Variants in PTBP3 observed in about 807,000 individuals in gnomAD.
The protein encoded by PTBP3 is polypyrimidine tract-binding protein 3.
PTBP3 carries 20 observed loss-of-function variants against 58.7 expected under a neutral mutation model. The ratio of observed to expected loss-of-function variants is 0.34; its 90% CI spans 0.24 to 0.50. PTBP3 has a LOEUF of 0.50. Among genes scored for constraint, PTBP3 ranks in the 20% least tolerant of loss-of-function variants. The probability of loss-of-function intolerance (pLI) is 0.98; values close to 1 mark genes in which losing one functional copy is unlikely to be tolerated. For missense variants in PTBP3, 509 were observed against 637.2 expected (o/e 0.80, Z 2.17); for synonymous variants, 185 against 219.8 (o/e 0.84, Z 1.40).
the PTBP3 span, among the ~76,000 whole-genome samples, chr9:112,347,811 G>A: frequency 6.6e-6 from 1 of 152,190 alleles, no homozygotes; most frequent in South Asian, 2.1e-4. Context: ...GGAGGAGGCA[G>A]GGAGATGGAA....
chr9:112,298,015 G>T, intron 1 of PTBP3, 99 bp from the exon 2 acceptor site: 1 of 962,254 alleles, frequency 1.0e-6, no homozygotes, highest in Non-Finnish European at 1.6e-6. Context: ...CTTCATCTTT[G>T]TATGAAGACA....
At chr9:112,251,534 C>G (rs774322554) in intron 6 of PTBP3, among the ~76,000 whole-genome samples, 6 of 152,012 alleles carry the variant, frequency 3.9e-5, no homozygotes, top group African/African-American at 7.2e-5. Flanking sequence ...TAGGATGAAA[C>G]AAAGCTTTTG....
At chr9:112,239,568 TA>T (rs1835562049) in intron 7 of PTBP3, among the ~76,000 whole-genome samples, 1 of 151,618 alleles carries the variant, frequency 6.6e-6, no homozygotes, top group Non-Finnish European at 1.5e-5. Context: ...CGCCTCTCTA[TA>T]AAAACTTTGA....
At chr9:112,338,880 T>C in the PTBP3 span, among the ~76,000 whole-genome samples, 1 of 152,322 alleles carries the variant, frequency 6.6e-6, no homozygotes, top group East Asian at 1.9e-4. Flanking sequence ...AGAGGACTCA[T>C]GTCTATGCTG....
In PTBP3 at chr9:112,224,199, G is replaced by GT. The variant is rs1460517229; in HGVS notation, c.1375dup (p.Thr459AsnfsTer4). The GT allele has an allele frequency of 6.5e-7, 1 of 1,546,124 alleles. No homozygotes were observed. The highest frequency in any genetic ancestry group is 8.7e-7 in the Non-Finnish European group (1 of 1,154,018). ...GAAAAGGTTCTTCAGATCATCCACT[G>GT]TAACAGAAGGGCTGTGAAAACATCA... On this transcript the variant is annotated frameshift_variant, in exon 13 of 14. Coordinates refer to ENST00000374257, the MANE Select transcript of PTBP3 (RefSeq NM_001163788.4). LOFTEE classifies it high-confidence loss of function.
At chr9:112,237,744 A>T (rs1431056908) in intron 7 of PTBP3, among the ~76,000 whole-genome samples, 2 of 152,164 alleles carry the variant, frequency 1.3e-5, no homozygotes, top group African/African-American at 4.8e-5. Context: ...AGTCAACAGG[A>T]TACTCTCACT....
At chr9:112,275,514 C>T (rs958163840) in intron 3 of PTBP3, among the ~76,000 whole-genome samples, 1 of 152,044 alleles carries the variant, frequency 6.6e-6, no homozygotes, top group Non-Finnish European at 1.5e-5. Flanking sequence ...AATTTATATC[C>T]TATCAGTGTT....
chr9:112,322,132 C>CT (rs1829976780), intron 1 of PTBP3, among the ~76,000 whole-genome samples: 1 of 35,024 alleles, frequency 2.9e-5, no homozygotes, highest in Admixed American at 4.7e-4. Flanking sequence ...GAGACTCCAT[C>CT]TCAAAAAAAA....
chr9:112,347,864 G>C, the PTBP3 span, among the ~76,000 whole-genome samples: 2 of 152,104 alleles, frequency 1.3e-5, no homozygotes, highest in South Asian at 2.1e-4. Flanking sequence ...TCCTTTAGCT[G>C]GTTGTTGGTT....
intron 5 of PTBP3, among the ~76,000 whole-genome samples, chr9:112,257,817 G>A (rs941053622): frequency 9.9e-5 from 15 of 152,024 alleles, no homozygotes; most frequent in African/African-American, 3.4e-4. Context: ...GTGGGCGCCT[G>A]TAATCCCAGC....
chr9:112,275,406 A>T (rs937920960), intron 3 of PTBP3, among the ~76,000 whole-genome samples: 1 of 152,162 alleles, frequency 6.6e-6, no homozygotes, highest in African/African-American at 2.4e-5. Context: ...AAGTGCTGGG[A>T]TTACAGGCGT....
intron 2 of PTBP3, among the ~76,000 whole-genome samples, chr9:112,280,767 ATGTGTGTG>A (rs3032061): frequency 1.3e-5 from 2 of 150,776 alleles, no homozygotes; most frequent in African/African-American, 4.9e-5. Flanking sequence ...CTGTGTGTGT[ATGTGTGTG>A]TGTGTGTGTG....
chr9:112,278,392 C>A (rs1827717017), intron 2 of PTBP3, among the ~76,000 whole-genome samples: 1 of 152,154 alleles, frequency 6.6e-6, no homozygotes. Context: ...ACCAACGTGG[C>A]CTTGCTCAAC....
intron 1 of PTBP3, chr9:112,332,728 A>G: frequency 6.2e-7 from 1 of 1,600,372 alleles, no homozygotes; most frequent in Non-Finnish European, 8.5e-7. Flanking sequence ...CCCCCATTAA[A>G]TTTTTGAGCA....
intron 1 of PTBP3, among the ~76,000 whole-genome samples, chr9:112,308,732 G>A (rs374838650): frequency 4.6e-5 from 7 of 152,080 alleles, no homozygotes; most frequent in Non-Finnish European, 8.8e-5. Flanking sequence ...GGGGAGTGGC[G>A]GGGCAGGTGC....
In PTBP3 at chr9:112,275,970, G is replaced by A. The variant is rs1321224811; in HGVS notation, c.78C>T (p.Pro26=). 1 of 1,613,596 alleles carries A rather than the reference G, an allele frequency of 6.2e-7. No homozygotes were observed. Among genetic ancestry groups the A allele is most frequent in the African/African-American group, 1.3e-5 (1 of 74,918 alleles). The stretch of plus-strand genomic sequence containing the variant: ...GATGGAGAACACGGGAAGGCGAACA[G>A]GGAGGTCTATCTCGTTTAAATTTCT... ...DSKKFKRDRP[P]CSPSRVLHLR... Residue 26 remains proline, a synonymous_variant, in exon 3 of 14, where the codon CCC becomes CCT. Coordinates refer to ENST00000374257, the MANE Select transcript of PTBP3 (RefSeq NM_001163788.4).
At chr9:112,319,481 C>A (rs537409193) in intron 1 of PTBP3, among the ~76,000 whole-genome samples, 12 of 152,234 alleles carry the variant, frequency 7.9e-5, no homozygotes, top group Admixed American at 7.2e-4. Flanking sequence ...CATCAAGACA[C>A]TACAAATTAA....
intron 4 of PTBP3, among the ~76,000 whole-genome samples, chr9:112,263,108 T>C (rs575865253): frequency 1.3e-5 from 2 of 152,218 alleles, no homozygotes; most frequent in African/African-American, 4.8e-5. Context: ...TTGATCAGAA[T>C]GCAAGGAAAT....
chr9:112,230,208 C>T (rs1835147890), intron 10 of PTBP3, among the ~76,000 whole-genome samples: 1 of 151,914 alleles, frequency 6.6e-6, no homozygotes, highest in Non-Finnish European at 1.5e-5. Context: ...CACTTATAAT[C>T]CCAGCTACTT....
Sources: gnomAD v4.1 joint callset for allele counts (sites outside exome capture counted in the v4.1 genomes callset) on GRCh38, gnomAD v4.1.1 for gene constraint, MANE v1.5 for transcripts, NCBI Gene and HGNC (gene_info 2026-07-23, HGNC 2026-07-21) for gene names.